The following ABTB2 variants were observed in gnomAD, a reference collection of about 807,000 sequenced individuals.
ABTB2 encodes the protein ankyrin repeat and BTB/POZ domain-containing protein 2.
ABTB2 carries 56 observed loss-of-function variants against 104.1 expected under a neutral mutation model. That is an observed-to-expected ratio of 0.54 (90% CI 0.43 to 0.67). ABTB2 has a LOEUF of 0.67. Among genes scored for constraint, ABTB2 ranks in the 30% least tolerant of loss-of-function variants. The pLI is 0.00. For missense variants in ABTB2, 1,279 were observed against 1,407.7 expected, an observed-to-expected ratio of 0.91 and a Z score of 1.46; for synonymous variants, 606 against 608.2, an observed-to-expected ratio of 1.00 and a Z score of 0.05.
intron 6 of ABTB2, 69 bp downstream of exon 6, chr11:34,167,834 T>A: frequency 6.6e-7 from 1 of 1,517,186 alleles, no homozygotes; most frequent in Non-Finnish European, 9.1e-7. Flanking sequence ...GCCCAGCGTG[T>A]TTGTTGGAGC....
At position 34,221,263 on chromosome 11, in the gene ABTB2, G is replaced by A. The variant is rs113096853; in HGVS notation, c.884-16573C>T. On this transcript the variant is annotated intron_variant, in intron 1 of 16. Coordinates refer to ENST00000435224, the MANE Select transcript of ABTB2 (RefSeq NM_145804.3). ...TGGGATTATAGGCGTGAGCCACCACGCCTGGCCCATCTCTTCTTCTGATAA... is the reference window on the plus strand; with the variant it reads ...TGGGATTATAGGCGTGAGCCACCACACCTGGCCCATCTCTTCTTCTGATAA... Among the ~76,000 whole-genome samples, 1,336 of 152,226 alleles carry A rather than the reference G, an allele frequency of 8.8e-3. 15 individuals are homozygous for A. The highest frequency in any genetic ancestry group is 0.03 in the African/African-American group (1,261 of 41,544).
At chr11:34,280,720 C>T (rs1475817759) in intron 1 of ABTB2, among the ~76,000 whole-genome samples, 9 of 152,152 alleles carry the variant, frequency 5.9e-5, no homozygotes, top group Non-Finnish European at 1.5e-5. Flanking sequence ...TACTTCTAAT[C>T]CTTACAACCA....
chr11:34,259,555 G>A (rs1854163745), intron 1 of ABTB2, among the ~76,000 whole-genome samples: 1 of 152,150 alleles, frequency 6.6e-6, no homozygotes, highest in Admixed American at 6.5e-5. Context: ...TTCTCCTCTG[G>A]GTGATATAGA....
At chr11:34,342,688 C>A (rs186763910) in intron 1 of ABTB2, among the ~76,000 whole-genome samples, 1 of 152,240 alleles carries the variant, frequency 6.6e-6, no homozygotes, top group African/African-American at 2.4e-5. Context: ...TGCTGGGTAT[C>A]AGAGTTGAGA....
chr11:34,171,092 G>A, intron 4 of ABTB2, 21 bp from the exon 5 acceptor site: 2 of 1,611,470 alleles, frequency 1.2e-6, no homozygotes, highest in East Asian at 2.2e-5. Context: ...GAGACCCAAA[G>A]GTGCGTGTGA....
intron 1 of ABTB2, among the ~76,000 whole-genome samples, chr11:34,205,349 C>A (rs1455470778): frequency 1.3e-5 from 2 of 152,358 alleles, no homozygotes; most frequent in African/African-American, 4.8e-5. Flanking sequence ...AACACTTCAA[C>A]AGCAGTGGAG....
chr11:34,270,234 T>C (rs1854297611), intron 1 of ABTB2, among the ~76,000 whole-genome samples: 1 of 152,118 alleles, frequency 6.6e-6, no homozygotes, highest in Non-Finnish European at 1.5e-5. Context: ...GATGTAACAC[T>C]GGCCTCAGAA....
chr11:34,267,664 G>T (rs1854266941), intron 1 of ABTB2, among the ~76,000 whole-genome samples: 1 of 152,228 alleles, frequency 6.6e-6, no homozygotes, highest in Non-Finnish European at 1.5e-5. Context: ...AGTTTTTGGT[G>T]TGGATTTCGT....
chr11:34,312,622 G>A (rs543837878), intron 1 of ABTB2, among the ~76,000 whole-genome samples: 1 of 152,322 alleles, frequency 6.6e-6, no homozygotes, highest in South Asian at 2.1e-4. Flanking sequence ...AATCCTCAGA[G>A]TTCCCATTTG....
At chr11:34,318,832 C>A (rs1854969480) in intron 1 of ABTB2, among the ~76,000 whole-genome samples, 1 of 152,182 alleles carries the variant, frequency 6.6e-6, no homozygotes, top group African/African-American at 2.4e-5. Flanking sequence ...GGCAGCTTAA[C>A]CACTAGTCTA....
In ABTB2 at chr11:34,204,652, C is replaced by T. The variant is rs543943144; in HGVS notation, c.922G>A (p.Gly308Ser). 28 of 1,613,938 alleles carry T rather than the reference C, an allele frequency of 1.7e-5. No homozygotes were observed. The Middle Eastern group carries it at 4.9e-4, about 29-fold the overall frequency. Residue 308 changes from glycine to serine, a missense_variant, in exon 2 of 17, where the codon GGC (glycine) becomes AGC (serine). Transcript: ENST00000435224. ...SLPAYFSPYN[G>S]GSLGHDERAD... ...CGCTCGTCATGGCCCAGGGACCCGCCGTTGTAGGGGCTGAAGTATGCGGGG... is the reference window on the plus strand; with the variant it reads ...CGCTCGTCATGGCCCAGGGACCCGCTGTTGTAGGGGCTGAAGTATGCGGGG...
At chr11:34,166,450 G>A (rs746748794) in intron 7 of ABTB2, among the ~76,000 whole-genome samples, 3 of 152,260 alleles carry the variant, frequency 2.0e-5, no homozygotes, top group Admixed American at 6.5e-5. Flanking sequence ...ATTTTGCTCC[G>A]GTTCTTATAA....
In ABTB2 at chr11:34,167,403, G is replaced by T. The variant is rs1284453108; in HGVS notation, c.1654-43C>A. ...TCATCTGTGTTTTCTGGGCACCCGA[G>T]CGAAGGGAGTACCCTGCAGGGATGG... On this transcript the variant is annotated intron_variant, in intron 6 of 16. Coordinates refer to ENST00000435224, the MANE Select transcript of ABTB2 (RefSeq NM_145804.3). 2.0e-6 allele frequency: 3 copies of T among 1,522,252 alleles called. No homozygotes were observed. The East Asian group carries it at 6.9e-5, about 35-fold the overall frequency. The allele number at this position is 1,522,252 out of a possible 1,614,324, so 94.3% of individuals were successfully genotyped here.
rs762873492 is a variant in ABTB2, at chr11:34,357,091, C to T, written c.493G>A (p.Val165Met). The change falls in exon 1 of 17, where the codon GTG (valine) becomes ATG (methionine). Residue 165 changes from valine to methionine, a missense_variant. Transcript: ENST00000435224. ...RFEVQSAVRL[V>M]HSWALAESCA... ...CTCTCGGCCAGCGCCCAGCTGTGCA[C>T]CAGGCGCACGGCGCTCTGCACCTCA... 11 of 1,520,466 alleles carry T rather than the reference C, an allele frequency of 7.2e-6. No individual in the cohort carries two copies. Among genetic ancestry groups the T allele is most frequent in the Admixed American group, 4.1e-5 (2 of 48,840 alleles). 94.2% of individuals were successfully genotyped at this position (1,520,466 alleles called of 1,614,324 possible). A position where few individuals can be genotyped will look rare whatever the true frequency, so the allele number is the denominator to read the frequency against.
chr11:34,257,927 G>A (rs1020873332), intron 1 of ABTB2, among the ~76,000 whole-genome samples: 4 of 152,078 alleles, frequency 2.6e-5, no homozygotes, highest in African/African-American at 7.2e-5. Context: ...CCTAGGGGTT[G>A]TTAATAATCA....
chr11:34,232,032 A>G (rs896148867), intron 1 of ABTB2, among the ~76,000 whole-genome samples: 2 of 152,246 alleles, frequency 1.3e-5, no homozygotes, highest in Non-Finnish European at 2.9e-5. Context: ...GAAAAAGGAC[A>G]TTAGGTAAAA....
chr11:34,284,565 C>T (rs369865759), intron 1 of ABTB2, among the ~76,000 whole-genome samples: 10 of 152,130 alleles, frequency 6.6e-5, no homozygotes, highest in South Asian at 2.1e-4. Flanking sequence ...TGAAAGCTGA[C>T]GCTGGAAGAA....
intron 1 of ABTB2, among the ~76,000 whole-genome samples, chr11:34,341,191 G>C (rs995946533): frequency 3.5e-4 from 54 of 152,296 alleles, no homozygotes; most frequent in African/African-American, 1.2e-3. Context: ...CATCATCCCT[G>C]GGAGGTATTT....
intron 1 of ABTB2, among the ~76,000 whole-genome samples, chr11:34,237,915 G>A (rs1021831018): frequency 1.1e-4 from 17 of 151,830 alleles, no homozygotes; most frequent in African/African-American, 3.6e-4. Flanking sequence ...AACAAAAAAC[G>A]CTATGCCACC....
Sources: allele counts gnomAD v4.1 joint callset (sites outside exome capture counted in the v4.1 genomes callset), GRCh38; gene constraint gnomAD v4.1.1; transcripts MANE v1.5; gene names NCBI Gene and HGNC (gene_info 2026-07-23, HGNC 2026-07-21).